Variants in SP140 observed in about 807,000 individuals in gnomAD.
SP140 encodes the protein nuclear body protein SP140.
In SP140, 81 loss-of-function variants were observed where a neutral mutation model predicts 125.0. The observed-to-expected ratio is 0.65, with a 90% CI of 0.54 to 0.78. The LOEUF is 0.78. Ranked by LOEUF, SP140 falls within the 30% of genes least tolerant of loss-of-function variation. SP140 has a pLI of 0.00. For synonymous variants in SP140, 312 were observed against 354.0 expected (o/e 0.88, Z 1.33); for missense variants, 858 against 1,037.0 (o/e 0.83, Z 2.37).
upstream of SP140, chr2:230,202,724 T>C: frequency 6.2e-7 from 1 of 1,614,190 alleles, no homozygotes; most frequent in African/African-American, 1.3e-5. Context: ...TAGATGAGGC[T>C]GTCCCTGGAC....
In SP140 at chr2:230,253,119, G is replaced by A. The variant is rs919510884; in HGVS notation, c.1058-197G>A. Among the ~76,000 whole-genome samples, 5 of 152,284 alleles carry A rather than the reference G, an allele frequency of 3.3e-5. No individual in the cohort carries two copies. In the East Asian group the frequency reaches 5.8e-4, roughly 18 times the overall value. ...GGAGAGAAGATCAGACAATCCAAGC[G>A]CTGCTCAGCTAGGAGGGAACTATGT... On this transcript the variant is annotated intron_variant, in intron 10 of 26. Coordinates refer to ENST00000392045, the MANE Select transcript of SP140 (RefSeq NM_007237.5).
downstream of SP140, among the ~76,000 whole-genome samples, chr2:230,315,294 A>G (rs370580577): frequency 4.0e-4 from 61 of 152,302 alleles, no homozygotes; most frequent in African/African-American, 1.3e-3. Flanking sequence ...GATTCCCTCA[A>G]GTTTTCACGG....
chr2:230,257,647 G>C (rs2051456435), intron 12 of SP140, among the ~76,000 whole-genome samples: 1 of 152,112 alleles, frequency 6.6e-6, no homozygotes, highest in Admixed American at 6.5e-5. Flanking sequence ...CACACCTGTA[G>C]TCCCAGCTAC....
Position 230,245,095 on chromosome 2 carries a change from AATGACCAAT to A in SP140, c.664+16_664+24del, listed in dbSNP as rs1300042011. ...AGGTGGGGGAGGTAATTATGATTTA[AATGACCAAT>A]TATCTCATTAAATTAGTTGGCCTAT... is the stretch of plus-strand genomic sequence containing the variant. On this transcript the variant is annotated intron_variant, in intron 6 of 26. Coordinates refer to ENST00000392045, the MANE Select transcript of SP140 (RefSeq NM_007237.5). 4 of 1,554,954 alleles carry A rather than the reference AATGACCAAT, an allele frequency of 2.6e-6. No homozygotes were observed. Among genetic ancestry groups the A allele is most frequent in the Non-Finnish European group, 3.5e-6 (4 of 1,127,162 alleles).
At chr2:230,238,145 T>C in intron 2 of SP140, 68 bp from the exon 3 acceptor site, 1 of 1,147,100 alleles carries the variant, frequency 8.7e-7, no homozygotes, top group East Asian at 2.4e-5. Flanking sequence ...ATGTTCTATC[T>C]ACAACCTAAA....
chr2:230,311,034 C>T, intron 24 of SP140, 120 bp from the exon 25 acceptor site: 2 of 1,533,876 alleles, frequency 1.3e-6, no homozygotes, highest in East Asian at 2.3e-5. Context: ...TGTCTGTTTC[C>T]AAGAGCCACA....
At chr2:230,256,982 A>G (rs1440089765) in intron 12 of SP140, among the ~76,000 whole-genome samples, 1 of 152,214 alleles carries the variant, frequency 6.6e-6, no homozygotes, top group Non-Finnish European at 1.5e-5. Context: ...TTAAGGAGCC[A>G]GAAACACAGA....
chr2:230,214,154 A>C (rs2044823576), intron 3 of SP140: 1 of 152,156 alleles, frequency 6.6e-6, no homozygotes, highest in South Asian at 2.1e-4. Context: ...TCCCTGGCTG[A>C]TTTCTTCCCA....
At chr2:230,269,760 G>C in intron 13 of SP140, 77 bp from the exon 14 acceptor site, 1 of 1,207,278 alleles carries the variant, frequency 8.3e-7, no homozygotes, top group East Asian at 2.3e-5. Context: ...AAGTAAAGAA[G>C]GGGGAGCAAC....
intron 1 of SP140, chr2:230,208,003 T>G (rs1332549652): frequency 1.3e-6 from 2 of 1,546,970 alleles, no homozygotes; most frequent in Non-Finnish European, 8.9e-7. Flanking sequence ...CCTGGGAGGC[T>G]TTTTTTCTTA....
chr2:230,285,517 A>G (rs2056260132), intron 16 of SP140, among the ~76,000 whole-genome samples: 1 of 152,242 alleles, frequency 6.6e-6, no homozygotes, highest in African/African-American at 2.4e-5. Flanking sequence ...CTGAATCATT[A>G]TAACATTCTC....
intron 1 of SP140, among the ~76,000 whole-genome samples, chr2:230,208,614 A>C (rs1226602214): frequency 3.3e-5 from 5 of 152,206 alleles, no homozygotes; most frequent in Non-Finnish European, 7.4e-5. Flanking sequence ...AGCAAAAAGC[A>C]GGAGGTGAGG....
chr2:230,229,553 C>T (rs965091779), intron 1 of SP140, among the ~76,000 whole-genome samples: 9 of 147,930 alleles, frequency 6.1e-5, no homozygotes, highest in African/African-American at 1.0e-4. Context: ...CTGCACACTC[C>T]GCCTCCTGGG....
At chr2:230,187,058 GTTAT>G in the SP140 span, among the ~76,000 whole-genome samples, 1 of 152,122 alleles carries the variant, frequency 6.6e-6, no homozygotes, top group Non-Finnish European at 1.5e-5. Flanking sequence ...TCTACTTTTA[GTTAT>G]TTAAGAAATC....
rs548151113 is a variant in SP140 at position 230,282,649 on chromosome 2, C to T, written c.1499-1697C>T. Among the ~76,000 whole-genome samples, 25 of 152,214 alleles carry T rather than the reference C, an allele frequency of 1.6e-4. No individual in the cohort carries two copies. The South Asian group carries it at 5.2e-3, about 32-fold the overall frequency. On this transcript the variant is annotated intron_variant, in intron 15 of 26. Transcript: ENST00000392045. ...CCCGTATCTACACACACACACGTAC[C>T]CACACACATTTCATAAACTGTAAAC...
At chr2:230,303,707 C>A (rs1260026940) in intron 22 of SP140, among the ~76,000 whole-genome samples, 2 of 152,158 alleles carry the variant, frequency 1.3e-5, no homozygotes, top group East Asian at 1.9e-4. Context: ...AAATCCAGCA[C>A]CTTTTATAAT....
At chr2:230,238,692 G>A in intron 3 of SP140, 1 of 1,232,530 alleles carries the variant, frequency 8.1e-7, no homozygotes, top group South Asian at 1.3e-5. Context: ...GTCTTTTCAT[G>A]GGAAAGGAGG....
At chr2:230,209,931 C>G in intron 1 of SP140, 1 of 1,589,966 alleles carries the variant, frequency 6.3e-7, no homozygotes, top group African/African-American at 1.3e-5. Flanking sequence ...CTTTTCTTAC[C>G]TTTCTTGTCT....
chr2:230,188,595 C>T, the SP140 span, among the ~76,000 whole-genome samples: 1 of 152,062 alleles, frequency 6.6e-6, no homozygotes, highest in Non-Finnish European at 1.5e-5. Context: ...TAGATTTTTT[C>T]CCATTTAGTA....
Sources: gnomAD v4.1 joint callset for allele counts (sites outside exome capture counted in the v4.1 genomes callset) on GRCh38, gnomAD v4.1.1 for gene constraint, MANE v1.5 for transcripts, NCBI Gene and HGNC (gene_info 2026-07-23, HGNC 2026-07-21) for gene names.